The following KCNN3 variants were observed in gnomAD, a reference collection of about 807,000 sequenced individuals.
KCNN3 encodes potassium calcium-activated channel subfamily N member 3, also known as small conductance calcium-activated potassium channel protein 3.
Under a neutral mutation model 62.9 loss-of-function variants are expected in KCNN3, and 16 were observed. The observed-to-expected ratio is 0.25, with a 90% confidence interval of 0.17 to 0.39. KCNN3 has a LOEUF of 0.39. Ranked by LOEUF, KCNN3 falls within the 10% of genes least tolerant of loss-of-function variation. The probability of loss-of-function intolerance (pLI) is 1.00; values close to 1 mark genes in which losing one functional copy is unlikely to be tolerated. For missense variants in KCNN3, 599 were observed against 949.4 expected, an observed-to-expected ratio of 0.63 and a Z score of 4.85; for synonymous variants, 370 against 389.2, an observed-to-expected ratio of 0.95 and a Z score of 0.58.
intron 2 of KCNN3, among the ~76,000 whole-genome samples, chr1:154,778,611 CTTTTTTTTT>C (rs11459390): frequency 4.1e-5 from 3 of 73,600 alleles, no homozygotes; most frequent in Admixed American, 2.1e-4. Flanking sequence ...CTCTCTGTCT[CTTTTTTTTT>C]TTTTTTTTTT....
intron 2 of KCNN3, among the ~76,000 whole-genome samples, chr1:154,791,586 C>T (rs1649521028): frequency 6.6e-6 from 1 of 152,206 alleles, no homozygotes; most frequent in Non-Finnish European, 1.5e-5. Flanking sequence ...TAAATCCAGT[C>T]ACTGCTGTGG....
chr1:154,786,504 A>G (rs1050650587), intron 2 of KCNN3, among the ~76,000 whole-genome samples: 3 of 152,250 alleles, frequency 2.0e-5, no homozygotes, highest in Non-Finnish European at 2.9e-5. Context: ...TTGACTTAGA[A>G]AATGTTCATG....
chr1:154,797,652 C>T (rs186152559), intron 2 of KCNN3, among the ~76,000 whole-genome samples: 1 of 152,298 alleles, frequency 6.6e-6, no homozygotes, highest in East Asian at 1.9e-4. Context: ...TCATATCTGT[C>T]CTGTTCATTA....
At chr1:154,756,635 G>T (rs867546717) in intron 3 of KCNN3, among the ~76,000 whole-genome samples, 1 of 152,080 alleles carries the variant, frequency 6.6e-6, no homozygotes, top group Non-Finnish European at 1.5e-5. Context: ...TCAGACCTCA[G>T]CTGAAGCATC....
At position 154,855,694 on chromosome 1, in the gene KCNN3, G is replaced by A. The variant is rs146797291; in HGVS notation, c.933+13338C>T. Among the ~76,000 whole-genome samples, 283 of 152,284 alleles carry A rather than the reference G, an allele frequency of 1.9e-3. 6 individuals are homozygous for A. Among genetic ancestry groups the A allele is most frequent in the African/African-American group, 5.8e-3 (239 of 41,554 alleles). ...ACATTTCTTAGACTGCGTCCCCGTC[G>A]TTGCAACGCATGACTGTATATCTGT... On this transcript the variant is annotated intron_variant, in intron 1 of 7. Coordinates refer to ENST00000271915, the MANE Select transcript of KCNN3 (RefSeq NM_002249.6).
intron 5 of KCNN3, among the ~76,000 whole-genome samples, chr1:154,718,121 A>G (rs1700268210): frequency 1.3e-5 from 2 of 152,328 alleles, no homozygotes; most frequent in Admixed American, 6.5e-5. Context: ...AGATGAAAGC[A>G]GCAAGCCAGA....
intron 3 of KCNN3, among the ~76,000 whole-genome samples, chr1:154,733,756 A>C (rs1291051141): frequency 6.6e-6 from 1 of 151,788 alleles, no homozygotes; most frequent in Admixed American, 6.6e-5. Flanking sequence ...CCCTGGGAGG[A>C]ACCAACTGGA....
At chr1:154,802,532 G>T (rs1650002407) in intron 2 of KCNN3, among the ~76,000 whole-genome samples, 1 of 152,182 alleles carries the variant, frequency 6.6e-6, no homozygotes, top group South Asian at 2.1e-4. Flanking sequence ...CAAGCTCAGG[G>T]GCTCAGCATT....
At position 154,714,893 on chromosome 1, in the gene KCNN3, G is replaced by A. The variant is rs770655498; in HGVS notation, c.1812C>T (p.Phe604=). ...ATACTCACTGGTGGATAGCTTGGAG[G>A]AACTTCCTCTGGTGTTTCCTCACTT... is the stretch of plus-strand genomic sequence containing the variant. ...HAKVRKHQRK[F]LQAIHQLRSV... is the part of the protein sequence containing the mutation. Residue 604 remains phenylalanine, a synonymous_variant, in exon 6 of 8, where the codon TTC becomes TTT. Transcript: ENST00000271915. 5 of 1,613,428 alleles carry A rather than the reference G, an allele frequency of 3.1e-6. No homozygotes were observed. The East Asian group carries it at 6.7e-5, about 22-fold the overall frequency.
chr1:154,778,413 A>G (rs1341158274), intron 2 of KCNN3, among the ~76,000 whole-genome samples: 2 of 152,176 alleles, frequency 1.3e-5, no homozygotes, highest in African/African-American at 2.4e-5. Context: ...CATGATTAGG[A>G]TGCAATTTGA....
chr1:154,836,705 G>A (rs1317768170), intron 1 of KCNN3, among the ~76,000 whole-genome samples: 3 of 152,192 alleles, frequency 2.0e-5, no homozygotes, highest in South Asian at 2.1e-4. Context: ...CCTGTTTTCC[G>A]GGACCAGGCT....
intron 3 of KCNN3, among the ~76,000 whole-genome samples, chr1:154,739,838 C>T (rs1700792646): frequency 6.6e-6 from 1 of 152,222 alleles, no homozygotes; most frequent in Non-Finnish European, 1.5e-5. Context: ...ACACAGCCTG[C>T]CAACCACCAC....
rs868702375 is a variant in KCNN3 at position 154,711,374 on chromosome 1, A to G, written c.1899+2090T>C. Among the ~76,000 whole-genome samples, 76 of 148,638 alleles carry G rather than the reference A, an allele frequency of 5.1e-4. 1 individual carries two copies. Among genetic ancestry groups the G allele is most frequent in the Middle Eastern group, 3.4e-3 (1 of 290 alleles). On this transcript the variant is annotated intron_variant, in intron 7 of 7. Transcript: ENST00000271915. Reference sequence around the variant, plus strand: ...GGGGGGAGGGGGGAGGGATAGCATTAGGAGATATACCTAATGTTAAATGAC... The same window carrying G: ...GGGGGGAGGGGGGAGGGATAGCATTGGGAGATATACCTAATGTTAAATGAC...
rs768149702 is a variant in KCNN3 at position 154,714,926 on chromosome 1, G to C, written c.1779C>G (p.Asp593Glu). Residue 593 changes from aspartate to glutamate, a missense_variant, in exon 6 of 8, where the codon GAC becomes GAG. Physicochemically the swap from Asp to Glu is conservative, Grantham distance 45 (BLOSUM62 2). This residue lies in a region of KCNN3 where 288 missense variants were observed against 557.4 expected (regional missense o/e 0.52). Coordinates refer to ENST00000271915, the MANE Select transcript of KCNN3 (RefSeq NM_002249.6). ...TCTGGTGTTTCCTCACTTTGGCATG[G>C]TCAATCTTCTTTAGCAGCTTTGTGT... is the stretch of plus-strand genomic sequence containing the variant. ...YKHTKLLKKI[D>E]HAKVRKHQRK... is the part of the protein sequence containing the mutation. The C allele has an allele frequency of 1.9e-6, 3 of 1,613,684 alleles. No individual in the cohort carries two copies. Among genetic ancestry groups the C allele is most frequent in the Non-Finnish European group, 2.5e-6 (3 of 1,179,730 alleles).
chr1:154,814,674 C>T (rs755925789), intron 2 of KCNN3, among the ~76,000 whole-genome samples: 10 of 152,350 alleles, frequency 6.6e-5, no homozygotes, highest in Non-Finnish European at 8.8e-5. Context: ...GCCACACCAT[C>T]GTCTCTGAGG....
At chr1:154,787,856 T>C (rs1429239783) in intron 2 of KCNN3, among the ~76,000 whole-genome samples, 1 of 127,854 alleles carries the variant, frequency 7.8e-6, no homozygotes, top group Non-Finnish European at 1.7e-5. Flanking sequence ...GCTGCCACTT[T>C]CTCTGTCCTC....
chr1:154,731,240 G>A (rs562297261), intron 4 of KCNN3, among the ~76,000 whole-genome samples: 13 of 152,316 alleles, frequency 8.5e-5, no homozygotes, highest in African/African-American at 1.7e-4. Context: ...GTCTTTCCCC[G>A]GTTTCCTCGT....
At position 154,701,302 on chromosome 1, in the gene KCNN3, A is replaced by T. The variant is rs981613420; in HGVS notation, c.*6674T>A. 6.6e-6 allele frequency: 1 copy of T among 152,230 alleles called. No homozygotes were observed. Among genetic ancestry groups the T allele is most frequent in the Non-Finnish European group, 1.5e-5 (1 of 68,046 alleles). The allele number at this position is 152,230 out of a possible 1,614,324, so 9.4% of individuals were successfully genotyped here. A position where few individuals can be genotyped will look rare whatever the true frequency, so the allele number is the denominator to read the frequency against. ...GGGAAGGGAAGAGACACATAGGCTC[A>T]GTTAATCTGCCCCGATGCAACCTGG... On this transcript the variant is annotated 3_prime_UTR_variant, in exon 8 of 8. Coordinates refer to ENST00000271915, the MANE Select transcript of KCNN3 (RefSeq NM_002249.6).
intron 1 of KCNN3, among the ~76,000 whole-genome samples, chr1:154,829,327 C>A (rs1651284586): frequency 3.3e-5 from 5 of 152,220 alleles, no homozygotes; most frequent in Non-Finnish European, 1.5e-5. Context: ...CTCTCCACGG[C>A]AGAGCTCAAG....
Sources: gnomAD v4.1 joint callset for allele counts (sites outside exome capture counted in the v4.1 genomes callset) on GRCh38, gnomAD v4.1.1 for gene constraint, gnomAD v4.1.1 regional missense constraint, MANE v1.5 for transcripts, NCBI Gene and HGNC (gene_info 2026-07-23, HGNC 2026-07-21) for gene names.